Variants in PDE4D observed in about 807,000 individuals in gnomAD.
PDE4D encodes the protein phosphodiesterase 4D.
A neutral mutation model predicts 87.4 loss-of-function variants in PDE4D; 24 were observed. That is an observed-to-expected ratio of 0.27 (90% CI 0.20 to 0.39). The LOEUF (loss-of-function observed/expected upper bound fraction) is 0.39, where lower values mean the gene tolerates loss of function less well. PDE4D is among the 10% of genes least tolerant of loss of function. The pLI is 1.00. For synonymous variants in PDE4D, 384 were observed against 383.2 expected (o/e 1.00, Z -0.02); for missense variants, 714 against 1,041.0 (o/e 0.69, Z 4.32).
intron 1 of PDE4D, among the ~76,000 whole-genome samples, chr5:59,425,419 T>A (rs545254643): frequency 2.6e-5 from 4 of 152,154 alleles, no homozygotes; most frequent in African/African-American, 7.2e-5. Flanking sequence ...AGATTTAACA[T>A]CCCTATTCTT....
chr5:59,866,683 T>C lies in PDE4D; in HGVS notation c.455+26485A>G, dbSNP rs557517276. Among the ~76,000 whole-genome samples, 12 of 152,178 alleles carry C rather than the reference T, an allele frequency of 7.9e-5. No homozygotes were observed. The East Asian group carries it at 1.7e-3, about 22-fold the overall frequency. Reference sequence around the variant, plus strand: ...AAAAATAAAAATAAAGGAAAGTACATGAAGATGCAGCAAAGCTCTGGTATC... The same window carrying C: ...AAAAATAAAAATAAAGGAAAGTACACGAAGATGCAGCAAAGCTCTGGTATC... On this transcript the variant is annotated intron_variant, in intron 1 of 14. Coordinates refer to ENST00000340635, the MANE Select transcript of PDE4D (RefSeq NM_001104631.2).
intron 5 of PDE4D, among the ~76,000 whole-genome samples, chr5:59,061,664 CGTT>C (rs1167162652): frequency 1.3e-5 from 2 of 152,084 alleles, no homozygotes; most frequent in Non-Finnish European, 2.9e-5. Context: ...ATCCCTGACA[CGTT>C]GTCATCCTCA....
chr5:59,210,398 G>A (rs1034592416), intron 2 of PDE4D, among the ~76,000 whole-genome samples: 3 of 152,196 alleles, frequency 2.0e-5, no homozygotes, highest in Admixed American at 6.5e-5. Flanking sequence ...AAAAGTAGTA[G>A]AGAGGAGTGG....
At chr5:59,291,498 A>T (rs1453740596) in intron 1 of PDE4D, among the ~76,000 whole-genome samples, 1 of 152,032 alleles carries the variant, frequency 6.6e-6, no homozygotes, top group Non-Finnish European at 1.5e-5. Flanking sequence ...AGAATCAATA[A>T]GAGCTAATAT....
intron 1 of PDE4D, among the ~76,000 whole-genome samples, chr5:59,529,943 G>A (rs1301984270): frequency 1.3e-5 from 2 of 152,132 alleles, no homozygotes; most frequent in Non-Finnish European, 1.5e-5. Context: ...GGAGGGCCCC[G>A]GGTAAGGCCC....
intron 1 of PDE4D, among the ~76,000 whole-genome samples, chr5:60,186,429 G>T (rs574238793): frequency 4.1e-4 from 62 of 152,230 alleles, no homozygotes; most frequent in African/African-American, 1.5e-3. Flanking sequence ...GAGTTTTGAA[G>T]AAAGAACAAA....
intron 1 of PDE4D, among the ~76,000 whole-genome samples, chr5:59,382,244 G>A (rs769348196): frequency 6.6e-6 from 1 of 152,002 alleles, no homozygotes; most frequent in Non-Finnish European, 1.5e-5. Flanking sequence ...ATCAAATAAC[G>A]CAAACCCACA....
At chr5:59,504,567 A>G (rs939639741) in intron 1 of PDE4D, among the ~76,000 whole-genome samples, 1 of 152,298 alleles carries the variant, frequency 6.6e-6, no homozygotes, top group East Asian at 1.9e-4. Flanking sequence ...TGTAATAAAA[A>G]ATCTATGTCC....
At chr5:59,238,469 A>G (rs1018422241) in intron 1 of PDE4D, among the ~76,000 whole-genome samples, 2 of 152,202 alleles carry the variant, frequency 1.3e-5, no homozygotes, top group Non-Finnish European at 2.9e-5. Context: ...TTTAAACATA[A>G]TGAAGCATCA....
chr5:60,224,344 G>C (rs1448350051), intron 1 of PDE4D, among the ~76,000 whole-genome samples: 3 of 152,020 alleles, frequency 2.0e-5, no homozygotes, highest in African/African-American at 7.2e-5. Context: ...CTATTGTGGG[G>C]AAGTAAACCA....
At chr5:60,259,294 G>T (rs965518468) in intron 1 of PDE4D, among the ~76,000 whole-genome samples, 3 of 152,062 alleles carry the variant, frequency 2.0e-5, no homozygotes, top group Admixed American at 6.6e-5. Flanking sequence ...AATTGAATTT[G>T]TATGTACACA....
At chr5:59,455,827 A>C (rs1484552329) in intron 1 of PDE4D, among the ~76,000 whole-genome samples, 1 of 152,238 alleles carries the variant, frequency 6.6e-6, no homozygotes, top group Admixed American at 6.5e-5. Flanking sequence ...AATGTGAGAC[A>C]TGGAGTTAAA....
intron 1 of PDE4D, among the ~76,000 whole-genome samples, chr5:60,367,648 T>C (rs1001281356): frequency 6.6e-6 from 1 of 152,162 alleles, no homozygotes; most frequent in African/African-American, 2.4e-5. Context: ...TTCTCCCTCC[T>C]GCTGGGACCT....
intron 1 of PDE4D, among the ~76,000 whole-genome samples, chr5:60,515,811 A>C (rs554601217): frequency 2.6e-5 from 4 of 152,246 alleles, no homozygotes; most frequent in South Asian, 4.1e-4. Context: ...ATTTTCAATA[A>C]AAAAGAAGAG....
intron 1 of PDE4D, among the ~76,000 whole-genome samples, chr5:59,693,258 G>A (rs1029699468): frequency 4.0e-5 from 6 of 151,788 alleles, no homozygotes; most frequent in Non-Finnish European, 7.4e-5. Context: ...TTTCATAAGC[G>A]GTGCCAGAGT....
chr5:59,268,553 T>C (rs1386545612), intron 1 of PDE4D, among the ~76,000 whole-genome samples: 1 of 152,046 alleles, frequency 6.6e-6, no homozygotes, highest in African/African-American at 2.4e-5. Flanking sequence ...GAAGTATACC[T>C]TACTTCTGTC....
intron 5 of PDE4D, among the ~76,000 whole-genome samples, chr5:59,148,016 A>G (rs906103768): frequency 6.6e-6 from 1 of 152,204 alleles, no homozygotes; most frequent in Non-Finnish European, 1.5e-5. Context: ...CTAACTCAGT[A>G]GCCACTTCCA....
intron 1 of PDE4D, among the ~76,000 whole-genome samples, chr5:59,361,411 T>C (rs550329257): frequency 6.6e-6 from 1 of 152,190 alleles, no homozygotes; most frequent in Non-Finnish European, 1.5e-5. Flanking sequence ...TCACTGATTG[T>C]CTTGTTCAAT....
chr5:59,340,459 C>T (rs1432903322), intron 1 of PDE4D, among the ~76,000 whole-genome samples: 1 of 152,104 alleles, frequency 6.6e-6, no homozygotes, highest in Admixed American at 6.5e-5. Flanking sequence ...TGATATAAGG[C>T]ATACAATGCC....
Sources: gnomAD v4.1 joint callset for allele counts (sites outside exome capture counted in the v4.1 genomes callset) on GRCh38, gnomAD v4.1.1 for gene constraint, MANE v1.5 for transcripts, NCBI Gene and HGNC (gene_info 2026-07-23, HGNC 2026-07-21) for gene names.